DNTT: variants seen among roughly 807,000 people sequenced by gnomAD.
DNTT encodes nucleosidetriphosphate:DNA deoxynucleotidylexotransferase.
DNTT carries 47 observed loss-of-function variants against 60.9 expected under a neutral mutation model. That is an observed-to-expected ratio of 0.77 (90% CI 0.61 to 0.98). The LOEUF (loss-of-function observed/expected upper bound fraction) is 0.98. Ranked by LOEUF, DNTT falls within the 50% of genes least tolerant of loss-of-function variation. The probability of loss-of-function intolerance (pLI) is 0.00; values close to 1 mark genes in which losing one functional copy is unlikely to be tolerated. For synonymous variants in DNTT, 224 were observed against 221.2 expected, an observed-to-expected ratio of 1.01 and a Z score of -0.11; for missense variants, 665 against 627.5, an observed-to-expected ratio of 1.06 and a Z score of -0.64.
intron 3 of DNTT, among the ~76,000 whole-genome samples, chr10:96,319,702 G>T (rs1203142432): frequency 6.6e-6 from 1 of 152,180 alleles, no homozygotes; most frequent in East Asian, 1.9e-4. Flanking sequence ...ACAAATACTG[G>T]AATTAGTCCA....
At chr10:96,325,724 C>T (rs889234386) in intron 6 of DNTT, among the ~76,000 whole-genome samples, 1 of 152,206 alleles carries the variant, frequency 6.6e-6, no homozygotes, top group Non-Finnish European at 1.5e-5. Context: ...TACTTATACC[C>T]CCACAAGTAG....
chr10:96,338,063 A>T (rs969467210), intron 10 of DNTT, 75 bp from the exon 11 acceptor site: 1 of 1,292,984 alleles, frequency 7.7e-7, no homozygotes, highest in African/African-American at 1.5e-5. Flanking sequence ...TTTTATAAGT[A>T]ACACTTTCAC....
intron 1 of DNTT, among the ~76,000 whole-genome samples, chr10:96,316,981 A>C (rs994147213): frequency 7.9e-5 from 12 of 152,222 alleles, no homozygotes; most frequent in Admixed American, 6.5e-4. Flanking sequence ...TATCAAAAAA[A>C]GAAGATGGAG....
chr10:96,327,851 G>C (rs1292443659), intron 7 of DNTT, among the ~76,000 whole-genome samples: 1 of 152,168 alleles, frequency 6.6e-6, no homozygotes, highest in African/African-American at 2.4e-5. Context: ...TCCTCAAATT[G>C]TCGCTTGGCT....
intron 8 of DNTT, among the ~76,000 whole-genome samples, chr10:96,329,940 G>A (rs1169058983): frequency 3.3e-5 from 5 of 152,340 alleles, no homozygotes; most frequent in South Asian, 4.1e-4. Flanking sequence ...ACCCTGGGGA[G>A]GATGGGAAGG....
intron 6 of DNTT, 113 bp downstream of exon 6, chr10:96,324,502 T>G: frequency 6.9e-7 from 1 of 1,450,998 alleles, no homozygotes; most frequent in Non-Finnish European, 9.4e-7. Context: ...ACTTCTTTGA[T>G]GTCCATTGAT....
In DNTT at chr10:96,304,578, T is replaced by C. The variant is rs775157595; in HGVS notation, c.81T>C (p.Pro27=). Residue 27 remains proline, a synonymous_variant, in exon 1 of 11, where the codon CCT becomes CCC. Transcript: ENST00000371174. ...CGGGTGCCTTGATGGCCTCCTCTCC[T>C]CAAGACATCAAATTTCAAGATTTGG... is the stretch of plus-strand genomic sequence containing the variant. The part of the protein sequence containing the change: ...RQTGALMASS[P]QDIKFQDLVV... 1.1e-5 allele frequency: 17 copies of C among 1,614,140 alleles called. No individual in the cohort carries two copies. In the Middle Eastern group the frequency reaches 9.9e-4, roughly 94 times the overall value.
At chr10:96,334,153 A>G (rs1000808720) in intron 9 of DNTT, among the ~76,000 whole-genome samples, 1 of 152,232 alleles carries the variant, frequency 6.6e-6, no homozygotes, top group Non-Finnish European at 1.5e-5. Context: ...CTGAAAGAGC[A>G]CAAGTTGAGT....
chr10:96,320,470 A>G (rs1185589806), intron 3 of DNTT, 148 bp from the exon 4 acceptor site: 1 of 811,764 alleles, frequency 1.2e-6, no homozygotes, highest in Non-Finnish European at 1.9e-6. Context: ...AGAGAGGCAT[A>G]CAAGGGTATG....
At chr10:96,309,417 A>G (rs1351064470) in intron 1 of DNTT, among the ~76,000 whole-genome samples, 1 of 152,188 alleles carries the variant, frequency 6.6e-6, no homozygotes, top group African/African-American at 2.4e-5. Context: ...ATCACCTGGA[A>G]TTAAAAAAGT....
intron 6 of DNTT, among the ~76,000 whole-genome samples, chr10:96,324,905 G>A (rs1371487073): frequency 6.6e-6 from 1 of 152,198 alleles, no homozygotes; most frequent in Non-Finnish European, 1.5e-5. Context: ...CCTAGAAACT[G>A]TAAAACACCA....
Position 96,328,792 on chromosome 10 carries a change from C to A in DNTT, c.1075C>A (p.Gln359Lys), listed in dbSNP as rs781345965. The stretch of plus-strand genomic sequence containing the variant: ...CCCAGGATCAACAGAGGATGAAGAG[C>A]AACTTTTACAGAAAGTGATGAACTT... The part of the protein sequence containing the change: ...TSPGSTEDEE[Q>K]LLQKVMNLWE... Residue 359 changes from glutamine to lysine, a missense_variant, in exon 8 of 11, where the codon CAA (glutamine) becomes AAA (lysine). Physicochemically the swap from Gln to Lys is moderately conservative, Grantham distance 53 (BLOSUM62 1). Transcript: ENST00000371174. 1 of 1,613,590 alleles carries A rather than the reference C, an allele frequency of 6.2e-7. No homozygotes were observed. Among genetic ancestry groups the A allele is most frequent in the Non-Finnish European group, 8.5e-7 (1 of 1,179,798 alleles).
chr10:96,327,406 T>A, intron 6 of DNTT, 62 bp from the exon 7 acceptor site: 4 of 1,612,966 alleles, frequency 2.5e-6, no homozygotes, highest in Non-Finnish European at 3.4e-6. Flanking sequence ...CCCCTTCTAC[T>A]GAGGGCTGGT....
intron 6 of DNTT, among the ~76,000 whole-genome samples, chr10:96,326,106 T>A (rs1418843298): frequency 6.6e-6 from 1 of 151,586 alleles, no homozygotes; most frequent in Non-Finnish European, 1.5e-5. Flanking sequence ...TAGCTGCACA[T>A]CTTCTTAAAG....
rs1564868534 is a variant in DNTT at position 96,307,734 on chromosome 10, A to ATATATATATATATAT, written c.203+3034_203+3035insTATATATATATATAT. ...ATATATATATATATATATATATATA[A>ATATATATATATATAT]GCATATATATGTGTGTGTGTGTGCA... On this transcript the variant is annotated intron_variant, in intron 1 of 10. Coordinates refer to ENST00000371174, the MANE Select transcript of DNTT (RefSeq NM_004088.4). Among the ~76,000 whole-genome samples, 11 of 72,570 alleles carry ATATATATATATATAT rather than the reference A, an allele frequency of 1.5e-4. 1 individual carries two copies. The highest frequency in any genetic ancestry group is 9.7e-4 in the South Asian group (2 of 2,056). The allele number at this position is 72,570 out of a possible 152,430, so 47.6% of individuals were successfully genotyped here. A position where few individuals can be genotyped will look rare whatever the true frequency, so the allele number is the denominator to read the frequency against.
chr10:96,320,811 C>T, intron 4 of DNTT, 23 bp downstream of exon 4: 1 of 1,611,546 alleles, frequency 6.2e-7, no homozygotes, highest in Non-Finnish European at 8.5e-7. Context: ...TGGGATTTGT[C>T]CCACTTCCCA....
chr10:96,322,308 GTCT>G (rs1220141943), intron 4 of DNTT, among the ~76,000 whole-genome samples: 4 of 152,294 alleles, frequency 2.6e-5, no homozygotes, highest in South Asian at 4.2e-4. Context: ...CAATGGAAAA[GTCT>G]TCTTATTTCA....
At position 96,319,296 on chromosome 10, in the gene DNTT, G is replaced by T. The variant is rs765030722; in HGVS notation, c.413G>T (p.Gly138Val). 3 of 1,613,644 alleles carry T rather than the reference G, an allele frequency of 1.9e-6. No homozygotes were observed. Among genetic ancestry groups the T allele is most frequent in the Admixed American group, 3.3e-5 (2 of 59,970 alleles). The change falls in exon 3 of 11, where the codon GGC becomes GTC. Residue 138 changes from glycine (G) to valine (V), a missense_variant. By Grantham distance (109) the Gly-to-Val change is moderately radical. Transcript: ENST00000371174. ...RRDYSDSTNPGPPKTPPIAVQ... is the reference protein window; with the variant it reads ...RRDYSDSTNPVPPKTPPIAVQ... ...GACTATTCAGATAGCACCAACCCAG[G>T]CCCCCCGAAGACTCCACCAATTGCT...
In DNTT at chr10:96,319,288, C is replaced by A; in HGVS notation, c.405C>A (p.Thr135=). The change falls in exon 3 of 11, where the codon ACC becomes ACA. Residue 135 remains threonine, a synonymous_variant. Transcript: ENST00000371174. ...LVVRRDYSDS[T]NPGPPKTPPI... is the part of the protein sequence containing the mutation. ...TGAGAAGAGACTATTCAGATAGCAC[C>A]AACCCAGGCCCCCCGAAGACTCCAC... 4 of 1,613,578 alleles carry A rather than the reference C, an allele frequency of 2.5e-6. No individual in the cohort carries two copies. Among genetic ancestry groups the A allele is most frequent in the Non-Finnish European group, 3.4e-6 (4 of 1,179,692 alleles).
Sources: gnomAD v4.1 joint callset for allele counts (sites outside exome capture counted in the v4.1 genomes callset) on GRCh38, gnomAD v4.1.1 for gene constraint, MANE v1.5 for transcripts, NCBI Gene and HGNC (gene_info 2026-07-23, HGNC 2026-07-21) for gene names.